PDSS2: variants seen among roughly 807,000 people sequenced by gnomAD.
PDSS2 encodes the protein decaprenyl diphosphate synthase subunit 2, also known as all trans-polyprenyl-diphosphate synthase PDSS2.
A neutral mutation model predicts 44.5 loss-of-function variants in PDSS2; 31 were observed. That is an observed-to-expected ratio of 0.70 (90% CI 0.52 to 0.94). PDSS2 has a LOEUF of 0.94. Ranked by LOEUF, PDSS2 falls within the 40% of genes least tolerant of loss-of-function variation. The pLI, the probability that PDSS2 is intolerant of heterozygous loss-of-function variation, is 0.00. For synonymous variants in PDSS2, 157 were observed against 180.3 expected, an observed-to-expected ratio of 0.87 and a Z score of 1.03; for missense variants, 452 against 482.2, an observed-to-expected ratio of 0.94 and a Z score of 0.59.
At position 107,329,072 on chromosome 6, in the gene PDSS2, T is replaced by C. The variant is rs1330257839; in HGVS notation, c.431+5126A>G. 2.6e-5 allele frequency among the ~76,000 whole-genome samples: 4 copies of C among 152,204 alleles called. No homozygotes were observed. In the East Asian group the frequency reaches 7.7e-4, roughly 29 times the overall value. On this transcript the variant is annotated intron_variant, in intron 2 of 7. Coordinates refer to ENST00000369037, the MANE Select transcript of PDSS2 (RefSeq NM_020381.4). ...CTAATTCCCTGGCTGACTCTCTATC[T>C]TGGACCTCACCTCTCAGGGTCACCT...
rs1781376517 is a variant in PDSS2 at position 107,437,237 on chromosome 6, T to G, written c.296+21753A>C. On this transcript the variant is annotated intron_variant, in intron 1 of 7. Coordinates refer to ENST00000369037, the MANE Select transcript of PDSS2 (RefSeq NM_020381.4). Reference sequence around the variant, plus strand: ...CTTTTCTCTATTCAAATTACAGTTGTGAGGCTGGGTGCAGCGGCTCACACC... The same window carrying G: ...CTTTTCTCTATTCAAATTACAGTTGGGAGGCTGGGTGCAGCGGCTCACACC... Among the ~76,000 whole-genome samples, 5 of 152,290 alleles carry G rather than the reference T, an allele frequency of 3.3e-5. No individual in the cohort carries two copies. In the South Asian group the frequency reaches 1.0e-3, roughly 32 times the overall value.
chr6:107,164,737 G>A (rs1179803297), intron 7 of PDSS2, among the ~76,000 whole-genome samples: 4 of 152,154 alleles, frequency 2.6e-5, no homozygotes, highest in African/African-American at 7.2e-5. Context: ...TTGAGGAATC[G>A]CCACACTGTC....
chr6:107,244,965 A>G (rs1162543299), intron 4 of PDSS2, among the ~76,000 whole-genome samples: 4 of 152,218 alleles, frequency 2.6e-5, no homozygotes, highest in Non-Finnish European at 5.9e-5. Flanking sequence ...AGGAAATGAA[A>G]CCTAACCTTT....
chr6:107,155,142 C>CTTT (rs67631229), intron 7 of PDSS2, among the ~76,000 whole-genome samples: 1 of 140,548 alleles, frequency 7.1e-6, no homozygotes, highest in South Asian at 2.3e-4. Context: ...ATATTCTTCC[C>CTTT]TTTTTTTTTT....
intron 3 of PDSS2, among the ~76,000 whole-genome samples, chr6:107,263,082 T>C (rs923290413): frequency 1.3e-5 from 2 of 152,218 alleles, no homozygotes; most frequent in African/African-American, 4.8e-5. Context: ...TTAACAAATA[T>C]TTCTTGTTCA....
At chr6:107,177,255 C>A (rs561290829) in intron 7 of PDSS2, among the ~76,000 whole-genome samples, 1 of 151,684 alleles carries the variant, frequency 6.6e-6, no homozygotes, top group African/African-American at 2.4e-5. Context: ...CTCAGCCTCC[C>A]GAGTAGCTGA....
At chr6:107,418,271 T>C (rs1344807954) in intron 1 of PDSS2, among the ~76,000 whole-genome samples, 1 of 151,964 alleles carries the variant, frequency 6.6e-6, no homozygotes, top group Non-Finnish European at 1.5e-5. Context: ...GAGGGTCAGA[T>C]TGAGAGGAGA....
intron 2 of PDSS2, among the ~76,000 whole-genome samples, chr6:107,323,925 T>C (rs1777460095): frequency 6.6e-6 from 1 of 152,222 alleles, no homozygotes; most frequent in African/African-American, 2.4e-5. Flanking sequence ...TTACATGCAA[T>C]AAACTAACTC....
At chr6:107,320,973 T>C (rs1777363568) in intron 2 of PDSS2, among the ~76,000 whole-genome samples, 1 of 152,198 alleles carries the variant, frequency 6.6e-6, no homozygotes, top group African/African-American at 2.4e-5. Flanking sequence ...GTGATTTTCT[T>C]ACACTATAAA....
chr6:107,380,862 T>C (rs1779433830), intron 1 of PDSS2, among the ~76,000 whole-genome samples: 1 of 152,224 alleles, frequency 6.6e-6, no homozygotes, highest in South Asian at 2.1e-4. Flanking sequence ...ACTTTTTACA[T>C]GTGACAGGAG....
intron 1 of PDSS2, among the ~76,000 whole-genome samples, chr6:107,441,515 C>T (rs1301841628): frequency 1.3e-5 from 2 of 152,062 alleles, no homozygotes; most frequent in South Asian, 2.1e-4. Flanking sequence ...CCATTTAGCC[C>T]ACAGGTTGAA....
intron 2 of PDSS2, among the ~76,000 whole-genome samples, chr6:107,290,875 C>A (rs567295823): frequency 6.6e-5 from 10 of 152,182 alleles, no homozygotes; most frequent in Admixed American, 2.6e-4. Context: ...TTTTTCCCCC[C>A]ACTTGTTTGT....
chr6:107,156,473 C>T (rs922082937), intron 7 of PDSS2, among the ~76,000 whole-genome samples: 5 of 152,272 alleles, frequency 3.3e-5, no homozygotes, highest in East Asian at 3.9e-4. Flanking sequence ...GGATTACAGG[C>T]GTGAGCCACC....
chr6:107,339,707 G>C (rs201959681), intron 1 of PDSS2, among the ~76,000 whole-genome samples: 2 of 151,884 alleles, frequency 1.3e-5, no homozygotes, highest in South Asian at 4.2e-4. Flanking sequence ...AGGAAAAAAA[G>C]GGGGAGTGGG....
chr6:107,432,580 C>G (rs532968641), intron 1 of PDSS2, among the ~76,000 whole-genome samples: 2 of 152,132 alleles, frequency 1.3e-5, no homozygotes, highest in Admixed American at 1.3e-4. Context: ...CACTTGAGGC[C>G]AGGAGTTTGA....
chr6:107,287,526 A>G (rs916541610), intron 2 of PDSS2, among the ~76,000 whole-genome samples: 1 of 151,798 alleles, frequency 6.6e-6, no homozygotes, highest in Non-Finnish European at 1.5e-5. Flanking sequence ...AAAAATTTTC[A>G]TTTTATTTTT....
At position 107,334,436 on chromosome 6, in the gene PDSS2, T is replaced by C. The variant is rs1777811577; in HGVS notation, c.297-104A>G. 3.9e-6 allele frequency: 4 copies of C among 1,018,082 alleles called. 1 individual carries two copies. The allele number at this position is 1,018,082 out of a possible 1,614,324, so 63.1% of individuals were successfully genotyped here. ...TGCCCACACTTCTAAAACTGGACAA[T>C]GAGACTTACTGAAAAGAAACAGGGT... On this transcript the variant is annotated intron_variant, in intron 1 of 7. Transcript: ENST00000369037.
chr6:107,279,895 A>G (rs1775904197), intron 2 of PDSS2, among the ~76,000 whole-genome samples: 2 of 152,226 alleles, frequency 1.3e-5, no homozygotes, highest in African/African-American at 4.8e-5. Context: ...CATTGACAGT[A>G]TGAAAAAATT....
chr6:107,279,019 A>G (rs2114967603), intron 2 of PDSS2, among the ~76,000 whole-genome samples: 1 of 152,302 alleles, frequency 6.6e-6, no homozygotes, highest in African/African-American at 2.4e-5. Context: ...CGGGAGTTCA[A>G]GAGCAGCCTG....
Sources: gnomAD v4.1 joint callset for allele counts (sites outside exome capture counted in the v4.1 genomes callset) on GRCh38, gnomAD v4.1.1 for gene constraint, MANE v1.5 for transcripts, NCBI Gene and HGNC (gene_info 2026-07-23, HGNC 2026-07-21) for gene names.